PARG: variants seen among roughly 807,000 people sequenced by gnomAD.
PARG encodes mitochondrial poly(ADP-ribose) glycohydrolase.
Under a neutral mutation model 113.0 loss-of-function variants are expected in PARG, and 35 were observed. That is an observed-to-expected ratio of 0.31 (90% confidence interval 0.24 to 0.41). The LOEUF (loss-of-function observed/expected upper bound fraction) is 0.41, where lower values mean the gene tolerates loss of function less well. PARG is among the 10% of genes least tolerant of loss of function. The pLI, the probability that PARG is intolerant of heterozygous loss-of-function variation, is 1.00. For synonymous variants in PARG, 330 were observed against 409.9 expected (o/e 0.81, Z 2.36); for missense variants, 797 against 1,169.4 (o/e 0.68, Z 4.64).
chr10:49,824,856 TGACTGGGCCACCAACTCA>T (rs2132357356), intron 16 of PARG, among the ~76,000 whole-genome samples: 1 of 152,268 alleles, frequency 6.6e-6, no homozygotes, highest in African/African-American at 2.4e-5. Flanking sequence ...GCGGTGGAGC[TGACTGGGCCACCAACTCA>T]AGAATGCATG....
intron 4 of PARG, among the ~76,000 whole-genome samples, chr10:49,928,372 TATCATCTG>T (rs1304324298): frequency 6.6e-6 from 1 of 152,204 alleles, no homozygotes; most frequent in Non-Finnish European, 1.5e-5. Context: ...GGATGTTCCA[TATCATCTG>T]ATAAAACAGC....
intron 15 of PARG, among the ~76,000 whole-genome samples, chr10:49,836,639 T>C (rs1844949723): frequency 6.6e-6 from 1 of 152,118 alleles, no homozygotes. Context: ...ATTTTGAACA[T>C]TCTCGAAAAG....
At chr10:49,831,803 C>T (rs1844681026) in intron 16 of PARG, among the ~76,000 whole-genome samples, 1 of 152,122 alleles carries the variant, frequency 6.6e-6, no homozygotes, top group Admixed American at 6.5e-5. Flanking sequence ...GGACTTTTTT[C>T]TGAGTTCTGT....
intron 10 of PARG, among the ~76,000 whole-genome samples, chr10:49,868,353 A>G (rs1398852496): frequency 3.3e-5 from 5 of 152,192 alleles, no homozygotes; most frequent in African/African-American, 1.2e-4. Flanking sequence ...ATAGGTCCAA[A>G]TGATTCTGCA....
In PARG at chr10:49,909,378, C is replaced by CT. The variant is rs1277563855; in HGVS notation, c.1737+6538dup. On this transcript the variant is annotated intron_variant, in intron 7 of 17. Coordinates refer to ENST00000616448, the MANE Select transcript of PARG (RefSeq NM_003631.5). ...ATCTATTTTAATACAAGTTTATGTTCTTTTTTCTGAGTTTCTACTGATGCT... is the reference window on the plus strand; with the variant it reads ...ATCTATTTTAATACAAGTTTATGTTCTTTTTTTCTGAGTTTCTACTGATGCT... 5.9e-5 allele frequency among the ~76,000 whole-genome samples: 9 copies of CT among 151,610 alleles called. No homozygotes were observed. In the East Asian group the frequency reaches 7.7e-4, roughly 13 times the overall value.
Position 49,832,911 on chromosome 10 carries a change from G to T in PARG, c.2542-3C>A, listed in dbSNP as rs1844739924. 3.4e-5 allele frequency: 51 copies of T among 1,509,422 alleles called. No individual in the cohort carries two copies. The highest frequency in any genetic ancestry group is 4.5e-5 in the Non-Finnish European group (50 of 1,109,842). The allele number at this position is 1,509,422 out of a possible 1,614,324, so 93.5% of individuals were successfully genotyped here. A position where few individuals can be genotyped will look rare whatever the true frequency, so the allele number is the denominator to read the frequency against. ...GGACGGAGAAATCCACAGTAAGCCT[G>T]CAGGATAAAAGAATTATCAAAGCCT... On this transcript the variant is annotated splice_region_variant and splice_polypyrimidine_tract_variant and intron_variant, in intron 15 of 17. Coordinates refer to ENST00000616448, the MANE Select transcript of PARG (RefSeq NM_003631.5).
intron 12 of PARG, among the ~76,000 whole-genome samples, chr10:49,858,938 G>C (rs1277286566): frequency 6.6e-6 from 1 of 152,096 alleles, no homozygotes; most frequent in African/African-American, 2.4e-5. Context: ...TATGGTTCCT[G>C]GCCTCACGGC....
In PARG at chr10:49,864,264, A is replaced by AT. The variant is rs1266290046; in HGVS notation, c.2129+1056dup. On this transcript the variant is annotated intron_variant, in intron 11 of 17. Transcript: ENST00000616448. ...ACGTGTTCTCATCTTTTTCTGGCTC[A>AT]TTTTTTTTTCTCTCTTCAGGTCGCT... 1.1e-4 allele frequency among the ~76,000 whole-genome samples: 16 copies of AT among 150,402 alleles called. No individual in the cohort carries two copies. The East Asian group carries it at 1.2e-3, about 11-fold the overall frequency.
chr10:49,865,020 G>A (rs1846430096), intron 11 of PARG, among the ~76,000 whole-genome samples: 1 of 150,452 alleles, frequency 6.6e-6, no homozygotes, highest in Non-Finnish European at 1.5e-5. Context: ...AAATATTGGT[G>A]TTCCTTGTAT....
Position 49,934,114 on chromosome 10 carries a change from A to G in PARG, c.334T>C (p.Ser112Pro). ...TGGTAAAAGTTATCTTTTTGTACAG[A>G]ACTCATCATGGATTCTATTCTTGTA... ...NNTRIESMMS[S>P]VQKDNFYQHN... The change falls in exon 3 of 18, where the codon TCT (serine) becomes CCT (proline). Residue 112 changes from serine to proline, a missense_variant. Physicochemically the swap from Ser to Pro is moderately conservative, Grantham distance 74. Around this residue, in one of 5 missense-constraint regions of PARG, gnomAD observed 284 missense variants for 306.1 expected, o/e 0.93. Coordinates refer to ENST00000616448, the MANE Select transcript of PARG (RefSeq NM_003631.5). 8.3e-7 allele frequency: 1 copy of G among 1,203,752 alleles called. No homozygotes were observed. The highest frequency in any genetic ancestry group is 1.2e-6 in the Non-Finnish European group (1 of 805,330). 74.6% of individuals were successfully genotyped at this position (1,203,752 alleles called of 1,614,324 possible).
intron 6 of PARG, among the ~76,000 whole-genome samples, chr10:49,920,187 G>C (rs192127963): frequency 6.6e-6 from 1 of 151,728 alleles, no homozygotes; most frequent in African/African-American, 2.4e-5. Flanking sequence ...TATAATCCCA[G>C]CCAGCACCTT....
chr10:49,858,892 C>G (rs1846119398), intron 12 of PARG, among the ~76,000 whole-genome samples: 1 of 152,092 alleles, frequency 6.6e-6, no homozygotes, highest in South Asian at 2.1e-4. Flanking sequence ...GAGTATTGTG[C>G]TGGGAATCAC....
intron 7 of PARG, among the ~76,000 whole-genome samples, chr10:49,902,536 T>G (rs1848391098): frequency 6.6e-6 from 1 of 152,178 alleles, no homozygotes; most frequent in Non-Finnish European, 1.5e-5. Context: ...TCCCTTCTAC[T>G]GAATTCTAGT....
chr10:49,864,960 T>C (rs1263369618), intron 11 of PARG, among the ~76,000 whole-genome samples: 3 of 139,774 alleles, frequency 2.1e-5, no homozygotes, highest in African/African-American at 8.0e-5. Flanking sequence ...AGAAAAGCCA[T>C]AAAGTTCAAA....
chr10:49,845,354 C>T (rs1554833156), intron 13 of PARG, among the ~76,000 whole-genome samples: 2 of 152,122 alleles, frequency 1.3e-5, no homozygotes, highest in Non-Finnish European at 2.9e-5. Context: ...AGATTTGTAT[C>T]AGTCATTGCT....
At chr10:49,848,694 G>A (rs1172730254) in intron 13 of PARG, among the ~76,000 whole-genome samples, 5 of 151,860 alleles carry the variant, frequency 3.3e-5, no homozygotes, top group Admixed American at 3.3e-4. Flanking sequence ...CATTGGTAGA[G>A]CACTTAACAT....
At chr10:49,902,832 A>C (rs1443110659) in intron 7 of PARG, among the ~76,000 whole-genome samples, 2 of 152,040 alleles carry the variant, frequency 1.3e-5, no homozygotes, top group African/African-American at 4.8e-5. Flanking sequence ...CTCTACAAAA[A>C]AAATTTTTTT....
At chr10:49,855,030 T>A (rs1336516877) in intron 13 of PARG, among the ~76,000 whole-genome samples, 1 of 149,502 alleles carries the variant, frequency 6.7e-6, no homozygotes, top group Non-Finnish European at 1.5e-5. Context: ...GGAGCCCAGA[T>A]GTTGGACTTA....
At chr10:49,834,814 T>G (rs1554830828) in intron 15 of PARG, among the ~76,000 whole-genome samples, 1 of 152,242 alleles carries the variant, frequency 6.6e-6, no homozygotes, top group East Asian at 1.9e-4. Context: ...CACTCCAGCC[T>G]GGGTGACAGT....
Sources: gnomAD v4.1 joint callset for allele counts (sites outside exome capture counted in the v4.1 genomes callset) on GRCh38, gnomAD v4.1.1 for gene constraint, gnomAD v4.1.1 regional missense constraint, MANE v1.5 for transcripts, NCBI Gene and HGNC (gene_info 2026-07-23, HGNC 2026-07-21) for gene names.